ADCY3: variants seen among roughly 807,000 people sequenced by gnomAD.
ADCY3 encodes the protein adenylate cyclase 3, also known as adenylate cyclase type 3.
In ADCY3, 70 loss-of-function variants were observed where a neutral mutation model predicts 119.4. That is an observed-to-expected ratio of 0.59 (90% CI 0.48 to 0.72). The LOEUF (loss-of-function observed/expected upper bound fraction) is 0.72. ADCY3 is among the 30% of genes least tolerant of loss of function. ADCY3 has a pLI of 0.00. For missense variants in ADCY3, 1,238 were observed against 1,541.6 expected, an observed-to-expected ratio of 0.80 and a Z score of 3.30; for synonymous variants, 672 against 621.4, an observed-to-expected ratio of 1.08 and a Z score of -1.21.
chr2:24,856,182 T>A (rs1261089759), intron 3 of ADCY3, among the ~76,000 whole-genome samples: 1 of 150,822 alleles, frequency 6.6e-6, no homozygotes, highest in Non-Finnish European at 1.5e-5. Flanking sequence ...ATGTGGAGAG[T>A]GTGTGTGTGT....
intron 3 of ADCY3, among the ~76,000 whole-genome samples, chr2:24,860,426 G>A (rs1030196174): frequency 1.3e-5 from 2 of 152,234 alleles, no homozygotes; most frequent in Non-Finnish European, 2.9e-5. Flanking sequence ...CACTGCCTGC[G>A]AAGCCAGATA....
chr2:24,917,611 A>T (rs1340763102), intron 2 of ADCY3, among the ~76,000 whole-genome samples: 1 of 152,200 alleles, frequency 6.6e-6, no homozygotes, highest in Non-Finnish European at 1.5e-5. Flanking sequence ...AGCGTGCTCC[A>T]GGACCAGCAG....
intron 2 of ADCY3, among the ~76,000 whole-genome samples, chr2:24,907,188 G>A (rs1051952148): frequency 2.0e-5 from 3 of 152,142 alleles, no homozygotes; most frequent in African/African-American, 7.2e-5. Flanking sequence ...TGGTCCCCTT[G>A]GGTGAGAAAC....
intron 2 of ADCY3, among the ~76,000 whole-genome samples, chr2:24,908,725 G>C (rs988516050): frequency 6.6e-6 from 1 of 152,074 alleles, no homozygotes; most frequent in African/African-American, 2.4e-5. Context: ...GCCCCACCTT[G>C]GCTAGGCTTA....
intron 3 of ADCY3, among the ~76,000 whole-genome samples, chr2:24,849,428 C>T (rs113957004): frequency 0.018 from 2,791 of 152,306 alleles, 78 homozygotes; most frequent in African/African-American, 0.064. Flanking sequence ...GGAAGGGCCA[C>T]ATGAGTGAAG....
chr2:24,855,840 G>A (rs983035215), intron 3 of ADCY3, among the ~76,000 whole-genome samples: 1 of 152,188 alleles, frequency 6.6e-6, no homozygotes, highest in Non-Finnish European at 1.5e-5. Flanking sequence ...TCTCACCCCA[G>A]GGCAATCTGT....
rs919124605 is a variant in ADCY3 at position 24,878,611 on chromosome 2, G to C, written c.676-5892C>G. On this transcript the variant is annotated intron_variant, in intron 2 of 21. Transcript: ENST00000679454. The surrounding 1 kb of genome is among the most constrained non-coding windows in gnomAD (Gnocchi z 4.0). ...ATTAAAACTTACTCAGATGCTTTAGGAAAAAGTCTCCTAGCAGCCATGGGG... is the reference window on the plus strand; with the variant it reads ...ATTAAAACTTACTCAGATGCTTTAGCAAAAAGTCTCCTAGCAGCCATGGGG... Among the ~76,000 whole-genome samples the C allele has an allele frequency of 9.9e-5, 15 of 152,070 alleles. No individual in the cohort carries two copies. The highest frequency in any genetic ancestry group is 2.6e-4 in the Admixed American group (4 of 15,272).
At chr2:24,881,324 C>A (rs967819070) in intron 2 of ADCY3, among the ~76,000 whole-genome samples, 1 of 152,194 alleles carries the variant, frequency 6.6e-6, no homozygotes, top group Non-Finnish European at 1.5e-5. Context: ...CATGAGCCAC[C>A]GAGTTCTGGG....
chr2:24,891,667 G>A (rs1271984718), intron 2 of ADCY3, among the ~76,000 whole-genome samples: 1 of 152,184 alleles, frequency 6.6e-6, no homozygotes, highest in Admixed American at 6.6e-5. Context: ...GTGAACTTGT[G>A]AAAAGGGAAA....
At chr2:24,917,239 C>T (rs1216779138) in intron 2 of ADCY3, among the ~76,000 whole-genome samples, 1 of 152,250 alleles carries the variant, frequency 6.6e-6, no homozygotes, top group Non-Finnish European at 1.5e-5. Flanking sequence ...CACGCCCTGC[C>T]TCTCCTGACA....
intron 2 of ADCY3, among the ~76,000 whole-genome samples, chr2:24,914,401 A>T (rs768251281): frequency 6.6e-6 from 1 of 152,160 alleles, no homozygotes; most frequent in African/African-American, 2.4e-5. Context: ...TCCTCTGGAC[A>T]GCGGCTCACA....
intron 2 of ADCY3, among the ~76,000 whole-genome samples, chr2:24,891,504 C>T (rs1677647642): frequency 6.6e-6 from 1 of 152,000 alleles, no homozygotes; most frequent in Non-Finnish European, 1.5e-5. Flanking sequence ...TATAATGGCA[C>T]CAAAGTATAA....
chr2:24,884,776 C>T (rs1676835558), intron 2 of ADCY3, among the ~76,000 whole-genome samples: 1 of 152,072 alleles, frequency 6.6e-6, no homozygotes, highest in African/African-American at 2.4e-5. Flanking sequence ...AGCGCCCAGC[C>T]CTCATTTTCT....
intron 3 of ADCY3, among the ~76,000 whole-genome samples, chr2:24,852,476 G>A (rs1386695929): frequency 1.3e-5 from 2 of 152,230 alleles, no homozygotes; most frequent in Non-Finnish European, 2.9e-5. Context: ...GGACACTGGT[G>A]GGTCACCCGG....
rs1212479160 is a variant in ADCY3 at position 24,919,001 on chromosome 2, T to C, written c.-14A>G. 1 of 1,541,610 alleles carries C rather than the reference T, an allele frequency of 6.5e-7. No homozygotes were observed. The highest frequency in any genetic ancestry group is 8.7e-7 in the Non-Finnish European group (1 of 1,148,408). On this transcript the variant is annotated 5_prime_UTR_variant, in exon 2 of 22. Transcript: ENST00000679454. The surrounding 1 kb of genome is among the most constrained non-coding windows in gnomAD (Gnocchi z 5.5). ...GTTCCTCGGCATACTGGCTGGTGTC[T>C]GCTACTGGCCCTAGAGAAGTGGACT... is the stretch of plus-strand genomic sequence containing the variant.
At chr2:24,849,703 C>T (rs1672066034) in intron 3 of ADCY3, among the ~76,000 whole-genome samples, 2 of 152,240 alleles carry the variant, frequency 1.3e-5, no homozygotes, top group African/African-American at 2.4e-5. Flanking sequence ...TTAAACAAGA[C>T]GTCAGTGCGT....
intron 19 of ADCY3, chr2:24,822,296 C>A (rs1365349483): frequency 5.1e-6 from 3 of 587,114 alleles, no homozygotes; most frequent in Non-Finnish European, 8.6e-6. Flanking sequence ...TAGGCCTGAG[C>A]TGTGAACAGC....
chr2:24,842,215 C>T lies in ADCY3; in HGVS notation c.956+39G>A. On this transcript the variant is annotated intron_variant, in intron 4 of 21. Transcript: ENST00000679454. The surrounding 1 kb of genome is among the most constrained non-coding windows in gnomAD (Gnocchi z 4.9). ...CCACAAAGATGCAGCCCTCCACAGC[C>T]TGCTCTGCCATCAGAGCCCGCGCCC... 2 of 1,612,552 alleles carry T rather than the reference C, an allele frequency of 1.2e-6. No homozygotes were observed. The highest frequency in any genetic ancestry group is 2.2e-5 in the South Asian group (2 of 91,038).
intron 3 of ADCY3, among the ~76,000 whole-genome samples, chr2:24,851,904 G>A (rs1453462189): frequency 3.3e-5 from 5 of 152,124 alleles, no homozygotes; most frequent in South Asian, 4.1e-4. Flanking sequence ...CTTCCCTGCC[G>A]TGTAAACCCC....
Sources: gnomAD v4.1 joint callset for allele counts (sites outside exome capture counted in the v4.1 genomes callset) on GRCh38, gnomAD v4.1.1 for gene constraint, Gnocchi (gnomAD v3.1) non-coding constraint, MANE v1.5 for transcripts, NCBI Gene and HGNC (gene_info 2026-07-23, HGNC 2026-07-21) for gene names.